Variants in COL11A1 observed in about 807,000 individuals in gnomAD.
COL11A1 encodes collagen type XI alpha 1 chain.
A neutral mutation model predicts 265.2 loss-of-function variants in COL11A1; 74 were observed. That is an observed-to-expected ratio of 0.28 (90% CI 0.23 to 0.34). The LOEUF (loss-of-function observed/expected upper bound fraction) is 0.34. Among genes scored for constraint, COL11A1 ranks in the 10% least tolerant of loss-of-function variants. COL11A1 has a pLI of 1.00. For missense variants in COL11A1, 2,165 were observed against 2,263.6 expected (o/e 0.96, Z 0.88); for synonymous variants, 816 against 727.6 (o/e 1.12, Z -1.96).
chr1:103,097,965 A>G (rs1301951467), intron 1 of COL11A1, among the ~76,000 whole-genome samples: 1 of 151,980 alleles, frequency 6.6e-6, no homozygotes, highest in Non-Finnish European at 1.5e-5. Flanking sequence ...GGAAAGCAAA[A>G]ATGGCATCAC....
At chr1:102,890,647 G>T in intron 57 of COL11A1, 143 bp from the exon 58 acceptor site, 1 of 584,834 alleles carries the variant, frequency 1.7e-6, no homozygotes. Context: ...TATTTTTAAG[G>T]CTTCTAAGTA....
chr1:103,005,242 C>T (rs1013591379), intron 18 of COL11A1, among the ~76,000 whole-genome samples: 2 of 151,938 alleles, frequency 1.3e-5, no homozygotes, highest in Non-Finnish European at 2.9e-5. Context: ...ATTATTAATG[C>T]TGTTAAAGAA....
chr1:103,003,152 GC>G, intron 21 of COL11A1, 62 bp downstream of exon 21: 1 of 1,549,390 alleles, frequency 6.5e-7, no homozygotes, highest in Non-Finnish European at 8.9e-7. Context: ...GGCTTTTATG[GC>G]CTCTAAAAGG....
At chr1:102,914,430 A>G in intron 51 of COL11A1, 25 bp from the exon 52 acceptor site, 2 of 1,585,732 alleles carry the variant, frequency 1.3e-6, no homozygotes, top group Non-Finnish European at 1.7e-6. Context: ...TGAAAGAAAA[A>G]GAAATAAATG....
chr1:103,086,606 CG>C (rs781308277), intron 1 of COL11A1, among the ~76,000 whole-genome samples: 109 of 152,114 alleles, frequency 7.2e-4, no homozygotes, highest in Non-Finnish European at 1.3e-3. Context: ...TTAGTAGAGA[CG>C]GGGTTTCACA....
chr1:103,063,563 G>A lies in COL11A1; in HGVS notation c.651+11055C>T, dbSNP rs1571191672. Among the ~76,000 whole-genome samples the A allele has an allele frequency of 1.3e-5, 2 of 152,138 alleles. 1 individual carries two copies. The highest frequency in any genetic ancestry group is 2.9e-5 in the Non-Finnish European group (2 of 67,956). On this transcript the variant is annotated intron_variant, in intron 4 of 66. Coordinates refer to ENST00000370096, the MANE Select transcript of COL11A1 (RefSeq NM_001854.4). The stretch of plus-strand genomic sequence containing the variant: ...ACCTTAAATTGTTCAGAAAAATTAA[G>A]TCATAATGGTTCATAAATGTAAAAC...
chr1:103,023,046 T>C (rs1557959747), intron 7 of COL11A1, 50 bp from the exon 8 acceptor site: 1 of 1,576,218 alleles, frequency 6.3e-7, no homozygotes, highest in South Asian at 1.1e-5. Context: ...TTATTGTTAG[T>C]AAAGCAAGGT....
At chr1:103,043,891 C>T (rs1669035047) in intron 4 of COL11A1, among the ~76,000 whole-genome samples, 1 of 151,922 alleles carries the variant, frequency 6.6e-6, no homozygotes. Flanking sequence ...CTTGTATGTG[C>T]CAGTGTAAAA....
At chr1:103,040,559 G>T (rs554668074) in intron 4 of COL11A1, among the ~76,000 whole-genome samples, 6 of 151,400 alleles carry the variant, frequency 4.0e-5, no homozygotes, top group Non-Finnish European at 7.4e-5. Context: ...TCATATCAAT[G>T]TTTCTTTAAA....
chr1:103,076,115 A>T (rs1671953875), intron 3 of COL11A1, among the ~76,000 whole-genome samples: 1 of 152,154 alleles, frequency 6.6e-6, no homozygotes, highest in African/African-American at 2.4e-5. Flanking sequence ...TGATAATGAT[A>T]TGTCATAATC....
intron 1 of COL11A1, among the ~76,000 whole-genome samples, chr1:103,095,674 C>G (rs1452213816): frequency 3.9e-5 from 6 of 151,956 alleles, no homozygotes. Context: ...TATTTTGGCT[C>G]TCTTTCCTGC....
intron 15 of COL11A1, among the ~76,000 whole-genome samples, chr1:103,006,742 A>G (rs1009478437): frequency 2.6e-5 from 4 of 151,398 alleles, no homozygotes; most frequent in African/African-American, 4.8e-5. Flanking sequence ...TTTCACCAGC[A>G]TGGTCTCGGT....
At chr1:103,064,920 G>T (rs543873677) in intron 4 of COL11A1, among the ~76,000 whole-genome samples, 108 of 151,884 alleles carry the variant, frequency 7.1e-4, no homozygotes, top group African/African-American at 2.5e-3. Context: ...GGTAGAGAAA[G>T]AAAGATTTTT....
chr1:102,962,018 T>A, intron 40 of COL11A1, 99 bp from the exon 41 acceptor site: 1 of 1,169,440 alleles, frequency 8.6e-7, no homozygotes, highest in Non-Finnish European at 1.3e-6. Flanking sequence ...CAGGTAATGT[T>A]TATAGACATA....
chr1:103,075,570 A>C (rs551741651), intron 3 of COL11A1, among the ~76,000 whole-genome samples: 1 of 152,268 alleles, frequency 6.6e-6, no homozygotes, highest in South Asian at 2.1e-4. Context: ...GCCCTTTGGA[A>C]ATGCACATTC....
intron 46 of COL11A1, among the ~76,000 whole-genome samples, chr1:102,929,961 A>T (rs1157520575): frequency 1.3e-5 from 2 of 152,142 alleles, no homozygotes; most frequent in African/African-American, 2.4e-5. Context: ...GACTTTGCTA[A>T]AGTTGCTTAT....
chr1:102,959,884 T>C (rs1198835447), intron 41 of COL11A1, among the ~76,000 whole-genome samples: 3 of 152,160 alleles, frequency 2.0e-5, no homozygotes, highest in Non-Finnish European at 4.4e-5. Context: ...TTAATCCTTA[T>C]AGTCACAGCT....
intron 41 of COL11A1, among the ~76,000 whole-genome samples, chr1:102,953,633 C>A (rs1032911259): frequency 2.6e-5 from 4 of 151,792 alleles, no homozygotes; most frequent in South Asian, 2.1e-4. Context: ...TTATATATTC[C>A]AAAAATAGAT....
intron 54 of COL11A1, among the ~76,000 whole-genome samples, chr1:102,900,665 C>T (rs1477466496): frequency 3.9e-5 from 6 of 152,006 alleles, no homozygotes; most frequent in African/African-American, 1.4e-4. Context: ...GAAAATATCA[C>T]CTTTACTTCA....
Sources: gnomAD v4.1 joint callset for allele counts (sites outside exome capture counted in the v4.1 genomes callset) on GRCh38, gnomAD v4.1.1 for gene constraint, MANE v1.5 for transcripts, NCBI Gene and HGNC (gene_info 2026-07-23, HGNC 2026-07-21) for gene names.